CAMTA1: variants seen among roughly 807,000 people sequenced by gnomAD.
The protein encoded by CAMTA1 is calmodulin binding transcription activator 1.
CAMTA1 carries 27 observed loss-of-function variants against 170.9 expected under a neutral mutation model. That is an observed-to-expected ratio of 0.16 (90% CI 0.12 to 0.22). CAMTA1 has a LOEUF of 0.22. Ranked by LOEUF, CAMTA1 falls within the 10% of genes least tolerant of loss-of-function variation. The pLI, the probability that CAMTA1 is intolerant of heterozygous loss-of-function variation, is 1.00. For missense variants in CAMTA1, 1,619 were observed against 2,217.2 expected, an observed-to-expected ratio of 0.73 and a Z score of 5.42; for synonymous variants, 833 against 891.5, an observed-to-expected ratio of 0.93 and a Z score of 1.17.
intron 4 of CAMTA1, among the ~76,000 whole-genome samples, chr1:7,221,020 GC>G (rs1660655950): frequency 6.6e-6 from 1 of 152,166 alleles, no homozygotes; most frequent in Non-Finnish European, 1.5e-5. Flanking sequence ...TCCTCCTAGA[GC>G]CCACCAGGTG....
At chr1:6,823,502 G>A (rs954574834) in intron 2 of CAMTA1, among the ~76,000 whole-genome samples, 1 of 151,808 alleles carries the variant, frequency 6.6e-6, no homozygotes, top group South Asian at 2.1e-4. Context: ...ATAGAGGATG[G>A]GTATTATAAT....
chr1:7,340,108 C>G (rs1399564010), intron 5 of CAMTA1, among the ~76,000 whole-genome samples: 1 of 152,194 alleles, frequency 6.6e-6, no homozygotes, highest in Non-Finnish European at 1.5e-5. Flanking sequence ...TGTGTTGCAT[C>G]AACTCAACTT....
chr1:6,800,574 A>G (rs954794450), intron 1 of CAMTA1, among the ~76,000 whole-genome samples: 17 of 152,152 alleles, frequency 1.1e-4, no homozygotes, highest in African/African-American at 3.1e-4. Flanking sequence ...GATGAAAAAT[A>G]TTTGCTAACC....
chr1:6,927,868 C>T (rs576587855), intron 3 of CAMTA1, among the ~76,000 whole-genome samples: 12 of 152,356 alleles, frequency 7.9e-5, no homozygotes, highest in African/African-American at 2.9e-4. Context: ...GACTTGTGGC[C>T]TTCCCCTAGC....
chr1:7,716,110 G>C (rs2096608036), intron 11 of CAMTA1, among the ~76,000 whole-genome samples: 1 of 152,182 alleles, frequency 6.6e-6, no homozygotes, highest in Admixed American at 6.5e-5. Flanking sequence ...GAAGCTCACT[G>C]TGGCCTCCAC....
At chr1:6,975,662 T>C (rs1693291301) in intron 3 of CAMTA1, among the ~76,000 whole-genome samples, 1 of 152,096 alleles carries the variant, frequency 6.6e-6, no homozygotes, top group African/African-American at 2.4e-5. Flanking sequence ...TTGTAGGCTT[T>C]AGATGGGTAC....
At chr1:6,818,208 A>G (rs942905403) in intron 1 of CAMTA1, among the ~76,000 whole-genome samples, 1 of 152,088 alleles carries the variant, frequency 6.6e-6, no homozygotes, top group African/African-American at 2.4e-5. Context: ...ATGGTGGCGG[A>G]CACCTGTGAT....
intron 7 of CAMTA1, among the ~76,000 whole-genome samples, chr1:7,644,337 A>G (rs1329224819): frequency 6.6e-6 from 1 of 152,204 alleles, no homozygotes; most frequent in African/African-American, 2.4e-5. Context: ...ATAAATGAAG[A>G]TAGCTGATAG....
intron 4 of CAMTA1, among the ~76,000 whole-genome samples, chr1:7,201,280 A>C (rs575398672): frequency 6.6e-6 from 1 of 152,300 alleles, no homozygotes; most frequent in South Asian, 2.1e-4. Flanking sequence ...GATATAACTC[A>C]TTTGGCTTCA....
At chr1:7,213,565 A>T (rs189909164) in intron 4 of CAMTA1, among the ~76,000 whole-genome samples, 1 of 151,798 alleles carries the variant, frequency 6.6e-6, no homozygotes, top group African/African-American at 2.4e-5. Flanking sequence ...CTTCTTTTGC[A>T]TCCTGTCCTT....
intron 6 of CAMTA1, among the ~76,000 whole-genome samples, chr1:7,527,410 C>A (rs1438379699): frequency 6.6e-6 from 1 of 152,222 alleles, no homozygotes; most frequent in Non-Finnish European, 1.5e-5. Flanking sequence ...ACAAGCAGCG[C>A]CAGGTCAACC....
At chr1:6,870,033 G>A (rs1487473386) in intron 3 of CAMTA1, among the ~76,000 whole-genome samples, 2 of 152,146 alleles carry the variant, frequency 1.3e-5, no homozygotes, top group Admixed American at 6.5e-5. Context: ...TAGTAATGAA[G>A]GAGGTACATA....
At chr1:7,272,706 AAAAAAAAAAAG>A (rs1284262204) in intron 5 of CAMTA1, among the ~76,000 whole-genome samples, 3 of 147,408 alleles carry the variant, frequency 2.0e-5, no homozygotes, top group Non-Finnish European at 4.5e-5. Flanking sequence ...AAAAAAAAAA[AAAAAAAAAAAG>A]AAAAGAAAAG....
At chr1:7,624,030 T>C (rs1324115557) in intron 6 of CAMTA1, among the ~76,000 whole-genome samples, 1 of 152,258 alleles carries the variant, frequency 6.6e-6, no homozygotes, top group Non-Finnish European at 1.5e-5. Context: ...TGTTCTGATT[T>C]CTTCACACTT....
At chr1:6,930,415 T>A (rs1333870767) in intron 3 of CAMTA1, among the ~76,000 whole-genome samples, 2 of 152,194 alleles carry the variant, frequency 1.3e-5, no homozygotes, top group Non-Finnish European at 2.9e-5. Context: ...CACTCTGTCT[T>A]TCTGTAACTG....
chr1:6,881,295 CTGTT>C (rs900831441), intron 3 of CAMTA1, among the ~76,000 whole-genome samples: 11 of 152,166 alleles, frequency 7.2e-5, no homozygotes, highest in Non-Finnish European at 1.3e-4. Context: ...TCTTGCATGT[CTGTT>C]TGTGCATGCT....
intron 5 of CAMTA1, among the ~76,000 whole-genome samples, chr1:7,265,395 C>G (rs981918004): frequency 1.3e-5 from 2 of 152,136 alleles, no homozygotes; most frequent in African/African-American, 4.8e-5. Context: ...CTCACTGCAA[C>G]CTCTGCTTCC....
chr1:6,990,476 C>T (rs769121060), intron 3 of CAMTA1, among the ~76,000 whole-genome samples: 3 of 152,136 alleles, frequency 2.0e-5, no homozygotes, highest in Admixed American at 6.5e-5. Flanking sequence ...CAGTACATGT[C>T]GCCTCTAAAT....
Position 7,570,911 on chromosome 1 carries a change from C to A in CAMTA1, c.511-69489C>A, listed in dbSNP as rs1008731387. On this transcript the variant is annotated intron_variant, in intron 6 of 22. Transcript: ENST00000303635. This position sits in a 1 kb window ranked among gnomAD's most constrained non-coding sequence, Gnocchi z 4.3. Reference sequence around the variant, plus strand: ...GATGTCAGGAGGCTCCTTAACCACTCTGAGCCTCAGTTGCCTCAAGATGGG... The same window carrying A: ...GATGTCAGGAGGCTCCTTAACCACTATGAGCCTCAGTTGCCTCAAGATGGG... 6.6e-6 allele frequency among the ~76,000 whole-genome samples: 1 copy of A among 152,220 alleles called. No homozygotes were observed. Among genetic ancestry groups the A allele is most frequent in the Non-Finnish European group, 1.5e-5 (1 of 68,030 alleles).
Sources: gnomAD v4.1 joint callset for allele counts (sites outside exome capture counted in the v4.1 genomes callset) on GRCh38, gnomAD v4.1.1 for gene constraint, Gnocchi (gnomAD v3.1) non-coding constraint, MANE v1.5 for transcripts, NCBI Gene and HGNC (gene_info 2026-07-23, HGNC 2026-07-21) for gene names.